GCLC: variants seen among roughly 807,000 people sequenced by gnomAD.
GCLC encodes glutamate-cysteine ligase catalytic subunit.
A neutral mutation model predicts 81.5 loss-of-function variants in GCLC; 30 were observed. That is an observed-to-expected ratio of 0.37 (90% CI 0.28 to 0.50). The LOEUF (loss-of-function observed/expected upper bound fraction) is 0.50, where lower values mean the gene tolerates loss of function less well. Among genes scored for constraint, GCLC ranks in the 20% least tolerant of loss-of-function variants. GCLC has a pLI of 0.96. For missense variants in GCLC, 556 were observed against 777.4 expected (o/e 0.72, Z 3.39); for synonymous variants, 262 against 273.3 (o/e 0.96, Z 0.41).
Position 53,508,793 on chromosome 6 carries a change from G to A in GCLC, c.829-82C>T. 9 of 937,920 alleles carry A rather than the reference G, an allele frequency of 9.6e-6. No individual in the cohort carries two copies. The South Asian group carries it at 1.2e-4, about 12-fold the overall frequency. 58.1% of individuals were successfully genotyped at this position (937,920 alleles called of 1,614,324 possible). ...AAAAGCTCCATGCAGTTATATTTCT[G>A]ATCAAAAAGCATGTTTATGCAACCC... On this transcript the variant is annotated intron_variant, in intron 7 of 15. Coordinates refer to ENST00000650454, the MANE Select transcript of GCLC (RefSeq NM_001498.4).
intron 1 of GCLC, among the ~76,000 whole-genome samples, chr6:53,539,224 A>T (rs1366690795): frequency 6.6e-6 from 1 of 152,246 alleles, no homozygotes; most frequent in Non-Finnish European, 1.5e-5. Context: ...CAGGGCACCC[A>T]GGAATATCCC....
At chr6:53,534,086 C>A (rs780139345) in intron 1 of GCLC, among the ~76,000 whole-genome samples, 9 of 152,232 alleles carry the variant, frequency 5.9e-5, no homozygotes, top group African/African-American at 2.2e-4. Flanking sequence ...TGAACCATCA[C>A]GCCCAGTCTT....
Position 53,506,671 on chromosome 6 carries a change from G to T in GCLC, c.1197+242C>A. On this transcript the variant is annotated intron_variant, in intron 10 of 15. Coordinates refer to ENST00000650454, the MANE Select transcript of GCLC (RefSeq NM_001498.4). This position sits in a 1 kb window ranked among gnomAD's most constrained non-coding sequence, Gnocchi z 4.0. ...TACTGAACAATAAAAAAAAAAATTA[G>T]AATCAGTGAGATAAACAGTAAGAAT... 2.2e-6 allele frequency: 1 copy of T among 458,198 alleles called. No individual in the cohort carries two copies. Among genetic ancestry groups the T allele is most frequent in the Non-Finnish European group, 3.9e-6 (1 of 254,318 alleles). 28.4% of individuals were successfully genotyped at this position (458,198 alleles called of 1,614,324 possible).
intron 1 of GCLC, among the ~76,000 whole-genome samples, chr6:53,541,012 C>T (rs947200676): frequency 3.9e-5 from 6 of 152,086 alleles, no homozygotes; most frequent in Admixed American, 1.3e-4. Context: ...GTCAGGAGTT[C>T]GAGACCAGCC....
chr6:53,544,438 G>A (rs2127633017), intron 1 of GCLC, 58 bp downstream of exon 1: 3 of 1,577,914 alleles, frequency 1.9e-6, no homozygotes, highest in Non-Finnish European at 2.6e-6. Flanking sequence ...GCAAGACAAA[G>A]GCAGCGCGGG....
chr6:53,511,561 T>C (rs983550316), intron 6 of GCLC, among the ~76,000 whole-genome samples: 1 of 152,160 alleles, frequency 6.6e-6, no homozygotes, highest in South Asian at 2.1e-4. Context: ...CAGAGAAGTA[T>C]ACAACAGTGA....
Position 53,506,374 on chromosome 6 carries a change from T to C in GCLC, c.1198-479A>G. 1 of 232,416 alleles carries C rather than the reference T, an allele frequency of 4.3e-6. No homozygotes were observed. The highest frequency in any genetic ancestry group is 8.5e-6 in the Non-Finnish European group (1 of 117,856). 14.4% of individuals were successfully genotyped at this position (232,416 alleles called of 1,614,324 possible). On this transcript the variant is annotated intron_variant, in intron 10 of 15. Transcript: ENST00000650454. This position sits in a 1 kb window ranked among gnomAD's most constrained non-coding sequence, Gnocchi z 4.0. ...TCTCAATACACTGAGAGAGAGTTCT[T>C]TCTCCGTCCTGACCATCTTGGGACC...
At chr6:53,535,519 A>G (rs1468449061) in intron 1 of GCLC, among the ~76,000 whole-genome samples, 1 of 152,126 alleles carries the variant, frequency 6.6e-6, no homozygotes, top group African/African-American at 2.4e-5. Flanking sequence ...TGTCTCAAAA[A>G]AAAATAAAAA....
intron 6 of GCLC, chr6:53,513,974 A>G (rs1454407906): frequency 1.8e-6 from 1 of 566,384 alleles, no homozygotes. Context: ...ATAAAGGTAT[A>G]TATACCGTAT....
chr6:53,537,485 A>G (rs1327258276), intron 1 of GCLC, among the ~76,000 whole-genome samples: 1 of 152,176 alleles, frequency 6.6e-6, no homozygotes, highest in Non-Finnish European at 1.5e-5. Flanking sequence ...GCCTGTGTCA[A>G]TGCGTTTTTG....
chr6:53,538,755 A>C lies in GCLC; in HGVS notation c.150+5741T>G, dbSNP rs1763301955. On this transcript the variant is annotated intron_variant, in intron 1 of 15. Transcript: ENST00000650454. Reference sequence around the variant, plus strand: ...TAAAGATACATTGCATTTTCCTCTCAAAGTTCACATGGACTTTTCTGCTAA... The same window carrying C: ...TAAAGATACATTGCATTTTCCTCTCCAAGTTCACATGGACTTTTCTGCTAA... Among the ~76,000 whole-genome samples, 3 of 152,330 alleles carry C rather than the reference A, an allele frequency of 2.0e-5. No homozygotes were observed. In the South Asian group the frequency reaches 6.2e-4, roughly 32 times the overall value.
chr6:53,499,080 C>G (rs1270265928), intron 15 of GCLC, 113 bp from the exon 16 acceptor site: 2 of 741,006 alleles, frequency 2.7e-6, no homozygotes, highest in Non-Finnish European at 4.9e-6. Flanking sequence ...TCAATATGTC[C>G]TTTTAGTGTA....
intron 1 of GCLC, among the ~76,000 whole-genome samples, chr6:53,526,243 G>A (rs1581743147): frequency 6.6e-6 from 1 of 152,246 alleles, no homozygotes; most frequent in Non-Finnish European, 1.5e-5. Context: ...ACAAGGGTGA[G>A]GTACTTTTAT....
rs1763426995 is a variant in GCLC, at chr6:53,544,964, G to A, written c.-319C>T. The A allele has an allele frequency of 4.9e-6, 1 of 205,748 alleles. No homozygotes were observed. The highest frequency in any genetic ancestry group is 9.7e-6 in the Non-Finnish European group (1 of 103,618). 12.7% of individuals were successfully genotyped at this position (205,748 alleles called of 1,614,324 possible). On this transcript the variant is annotated 5_prime_UTR_variant, in exon 1 of 16. Transcript: ENST00000650454. ...CCTCCCGCTCCGATGCGGCGGCGGC[G>A]GACCCCACGGCCGCGCTGCCGCGGC...
intron 6 of GCLC, chr6:53,509,553 G>A: frequency 2.1e-6 from 1 of 465,400 alleles, no homozygotes; most frequent in Non-Finnish European, 3.9e-6. Flanking sequence ...GTTTAGCAAA[G>A]CATTTTCTCT....
At chr6:53,499,545 T>C (rs755987262) in intron 15 of GCLC, among the ~76,000 whole-genome samples, 6 of 152,204 alleles carry the variant, frequency 3.9e-5, no homozygotes, top group Non-Finnish European at 8.8e-5. Context: ...GTCACTTTAT[T>C]AACAGCTGAC....
chr6:53,538,164 A>G (rs1313693025), intron 1 of GCLC, among the ~76,000 whole-genome samples: 1 of 68,862 alleles, frequency 1.5e-5, no homozygotes. Flanking sequence ...TTTTTTTTTT[A>G]AAGAGATGGG....
chr6:53,498,560 T>C lies in GCLC; in HGVS notation c.*196A>G. ...ATTAAAATACATTGTTAATCAAAAA[T>C]ACTTTACTATGTACATGTACACTGT... On this transcript the variant is annotated 3_prime_UTR_variant, in exon 16 of 16. Transcript: ENST00000650454. The C allele has an allele frequency of 1.7e-6, 1 of 591,868 alleles. No homozygotes were observed. Among genetic ancestry groups the C allele is most frequent in the Admixed American group, 3.0e-5 (1 of 33,142 alleles). 36.7% of individuals were successfully genotyped at this position (591,868 alleles called of 1,614,324 possible).
chr6:53,537,351 G>A (rs994043028), intron 1 of GCLC, among the ~76,000 whole-genome samples: 2 of 152,218 alleles, frequency 1.3e-5, no homozygotes, highest in Non-Finnish European at 1.5e-5. Context: ...AGAGAGATGC[G>A]ACAACTTTGC....
Sources: allele counts gnomAD v4.1 joint callset (sites outside exome capture counted in the v4.1 genomes callset), GRCh38; gene constraint gnomAD v4.1.1; non-coding constraint Gnocchi (gnomAD v3.1); transcripts MANE v1.5; gene names NCBI Gene and HGNC (gene_info 2026-07-23, HGNC 2026-07-21).